Variants in VMP1 observed in about 807,000 individuals in gnomAD.
VMP1 encodes the protein vacuole membrane protein 1.
Under a neutral mutation model 56.0 loss-of-function variants are expected in VMP1, and 11 were observed. The observed-to-expected ratio is 0.20, with a 90% CI of 0.12 to 0.32. The LOEUF is 0.32. Among genes scored for constraint, VMP1 ranks in the 10% least tolerant of loss-of-function variants. The probability of loss-of-function intolerance (pLI) is 1.00; values close to 1 mark genes in which losing one functional copy is unlikely to be tolerated. For missense variants in VMP1, 296 were observed against 490.3 expected, an observed-to-expected ratio of 0.60 and a Z score of 3.74; for synonymous variants, 149 against 165.0, an observed-to-expected ratio of 0.90 and a Z score of 0.74.
At chr17:59,762,635 T>G (rs1259394656) in intron 5 of VMP1, among the ~76,000 whole-genome samples, 1 of 152,142 alleles carries the variant, frequency 6.6e-6, no homozygotes, top group African/African-American at 2.4e-5. Context: ...TAATGTTCAT[T>G]TTGTCTGGGA....
chr17:59,771,517 T>C (rs995393564), intron 6 of VMP1, among the ~76,000 whole-genome samples: 4 of 152,138 alleles, frequency 2.6e-5, no homozygotes, highest in Admixed American at 2.0e-4. Flanking sequence ...AAATACTTGA[T>C]CTTTATTATA....
At chr17:59,831,004 G>T (rs2038789538) in intron 10 of VMP1, among the ~76,000 whole-genome samples, 1 of 151,902 alleles carries the variant, frequency 6.6e-6, no homozygotes, top group Admixed American at 6.6e-5. Flanking sequence ...TTCTGTGTGG[G>T]TGTAGAGACA....
intron 7 of VMP1, among the ~76,000 whole-genome samples, chr17:59,786,642 C>G (rs2037016565): frequency 6.6e-6 from 1 of 152,290 alleles, no homozygotes; most frequent in Admixed American, 6.5e-5. Flanking sequence ...TCCCCCTCCC[C>G]TTCATTTCCA....
At chr17:59,743,977 A>G (rs541131105) in intron 5 of VMP1, among the ~76,000 whole-genome samples, 2 of 152,120 alleles carry the variant, frequency 1.3e-5, no homozygotes, top group South Asian at 4.1e-4. Context: ...TCCCAACCTT[A>G]ATGGGAAGGC....
chr17:59,791,915 A>C (rs909598561), intron 7 of VMP1, among the ~76,000 whole-genome samples: 1 of 152,198 alleles, frequency 6.6e-6, no homozygotes, highest in African/African-American at 2.4e-5. Flanking sequence ...TATAATTTCA[A>C]CTGTAGATTT....
At chr17:59,800,807 C>G (rs148900913) in intron 7 of VMP1, among the ~76,000 whole-genome samples, 2,789 of 152,140 alleles carry the variant, frequency 0.018, 37 homozygotes, top group Middle Eastern at 0.1. Context: ...ACAGGCTGTG[C>G]GCAGTGGCTC....
chr17:59,787,860 A>C (rs2037061125), intron 7 of VMP1, among the ~76,000 whole-genome samples: 1 of 150,976 alleles, frequency 6.6e-6, no homozygotes, highest in South Asian at 2.1e-4. Flanking sequence ...AATTTAGTGA[A>C]AACTTTTAAA....
intron 7 of VMP1, among the ~76,000 whole-genome samples, chr17:59,789,057 G>A (rs965825388): frequency 1.5e-4 from 23 of 151,318 alleles, no homozygotes; most frequent in African/African-American, 5.3e-4. Context: ...CTGGGAGGCC[G>A]AGGAGGGTGG....
chr17:59,806,657 G>A (rs1179464490), intron 7 of VMP1, among the ~76,000 whole-genome samples: 1 of 149,494 alleles, frequency 6.7e-6, no homozygotes, highest in Non-Finnish European at 1.5e-5. Context: ...AGAGTTTGCA[G>A]TGAGCCAAGA....
intron 5 of VMP1, among the ~76,000 whole-genome samples, chr17:59,752,306 T>A (rs962664448): frequency 1.3e-5 from 2 of 152,204 alleles, no homozygotes; most frequent in African/African-American, 4.8e-5. Context: ...GTCTGCAGTT[T>A]GTAGTTTGTT....
At chr17:59,816,389 T>C (rs1361554464) in intron 9 of VMP1, among the ~76,000 whole-genome samples, 1 of 152,258 alleles carries the variant, frequency 6.6e-6, no homozygotes, top group Non-Finnish European at 1.5e-5. Context: ...ATAATAGCCT[T>C]GCTAGCTTCA....
chr17:59,750,572 G>A (rs2035601440), intron 5 of VMP1, among the ~76,000 whole-genome samples: 5 of 152,226 alleles, frequency 3.3e-5, no homozygotes, highest in South Asian at 4.1e-4. Context: ...AAAGTGCTGG[G>A]ATTACAGGCA....
chr17:59,735,101 G>A (rs553857583), intron 2 of VMP1, among the ~76,000 whole-genome samples: 3 of 151,748 alleles, frequency 2.0e-5, no homozygotes, highest in East Asian at 1.9e-4. Context: ...TAGTAGAGAC[G>A]GAGTTCCACC....
intron 2 of VMP1, among the ~76,000 whole-genome samples, chr17:59,732,924 T>A (rs959747957): frequency 2.0e-5 from 3 of 152,208 alleles, no homozygotes; most frequent in Admixed American, 2.0e-4. Context: ...TCCCAACACT[T>A]TGGGAGGCCA....
chr17:59,708,643 T>C (rs1900223871), intron 1 of VMP1, among the ~76,000 whole-genome samples: 4 of 152,246 alleles, frequency 2.6e-5, no homozygotes, highest in African/African-American at 4.8e-5. Flanking sequence ...CAGATTACAT[T>C]GATCATTTGA....
At chr17:59,742,946 G>A (rs1038284898) in intron 5 of VMP1, among the ~76,000 whole-genome samples, 1 of 152,110 alleles carries the variant, frequency 6.6e-6, no homozygotes, top group South Asian at 2.1e-4. Flanking sequence ...CCCACCTCAG[G>A]TCTGTGGAAA....
rs1458207783 is a variant in VMP1 at position 59,707,664 on chromosome 17, TG to T, written c.-110del. The stretch of plus-strand genomic sequence containing the variant: ...GGAAGTGACGTGAGCGGGTTCCGGT[TG>T]TCTGGAGCCCAGCGGCGGGTGTGAG... On this transcript the variant is annotated 5_prime_UTR_variant, in exon 1 of 12. Coordinates refer to ENST00000262291, the MANE Select transcript of VMP1 (RefSeq NM_030938.5). 1.3e-5 allele frequency: 2 copies of T among 152,272 alleles called. No individual in the cohort carries two copies. The highest frequency in any genetic ancestry group is 2.4e-5 in the African/African-American group (1 of 41,440). 9.4% of individuals were successfully genotyped at this position (152,272 alleles called of 1,614,324 possible).
intron 1 of VMP1, among the ~76,000 whole-genome samples, chr17:59,714,630 C>CGTTTTT (rs1416736713): frequency 2.8e-5 from 4 of 142,338 alleles, no homozygotes; most frequent in African/African-American, 1.0e-4. Context: ...GTTGTTCTTG[C>CGTTTTT]GTTTTTGTTT....
intron 5 of VMP1, 36 bp downstream of exon 5, chr17:59,738,983 A>AGGAAATATCATT: frequency 6.8e-7 from 1 of 1,480,022 alleles, no homozygotes; most frequent in Non-Finnish European, 9.2e-7. Context: ...CAAAAATGAT[A>AGGAAATATCATT]TTTCCTATCT....
Sources: allele counts gnomAD v4.1 joint callset (sites outside exome capture counted in the v4.1 genomes callset), GRCh38; gene constraint gnomAD v4.1.1; transcripts MANE v1.5; gene names NCBI Gene and HGNC (gene_info 2026-07-23, HGNC 2026-07-21).